Variants in GSTCD observed in about 807,000 individuals in gnomAD.
GSTCD encodes glutathione S-transferase C-terminal domain-containing protein.
Under a neutral mutation model 68.3 loss-of-function variants are expected in GSTCD, and 44 were observed. The observed-to-expected ratio is 0.64, with a 90% CI of 0.51 to 0.83. The LOEUF is 0.83. Ranked by LOEUF, GSTCD falls within the 40% of genes least tolerant of loss-of-function variation. The pLI, the probability that GSTCD is intolerant of heterozygous loss-of-function variation, is 0.00. For synonymous variants in GSTCD, 273 were observed against 255.2 expected, an observed-to-expected ratio of 1.07 and a Z score of -0.67; for missense variants, 739 against 735.9, an observed-to-expected ratio of 1.00 and a Z score of -0.05.
At chr4:105,776,338 G>T (rs1238180469) in intron 5 of GSTCD, among the ~76,000 whole-genome samples, 1 of 152,096 alleles carries the variant, frequency 6.6e-6, no homozygotes, top group Non-Finnish European at 1.5e-5. Flanking sequence ...CCATTCCAGG[G>T]TAGTGAATGG....
intron 5 of GSTCD, among the ~76,000 whole-genome samples, chr4:105,777,761 T>C (rs1280702293): frequency 6.6e-6 from 1 of 152,192 alleles, no homozygotes; most frequent in Non-Finnish European, 1.5e-5. Context: ...GACTTCTGTA[T>C]AGGGTAGCAG....
At chr4:105,744,744 C>T (rs1280183872) in intron 5 of GSTCD, among the ~76,000 whole-genome samples, 1 of 152,188 alleles carries the variant, frequency 6.6e-6, no homozygotes, top group Non-Finnish European at 1.5e-5. Context: ...GCCCTAGAGT[C>T]AGCTGTTTCT....
At position 105,717,900 on chromosome 4, in the gene GSTCD, G is replaced by T. The variant is rs760887131; in HGVS notation, c.287G>T (p.Arg96Leu). The T allele has an allele frequency of 6.2e-7, 1 of 1,613,958 alleles. No homozygotes were observed. Among genetic ancestry groups the T allele is most frequent in the Non-Finnish European group, 8.5e-7 (1 of 1,180,010 alleles). The part of the protein sequence containing the change: ...QNCCLPAVVE[R>L]SDNFCRAGLA... Reference sequence around the variant, plus strand: ...TGCTGTTTGCCTGCAGTAGTAGAACGATCAGACAATTTTTGTAGAGCAGGA... The same window carrying T: ...TGCTGTTTGCCTGCAGTAGTAGAACTATCAGACAATTTTTGTAGAGCAGGA... Residue 96 changes from arginine (R) to leucine (L), a missense_variant, in exon 2 of 12, where the codon CGA becomes CTA. Physicochemically the swap from Arg to Leu is moderately radical, Grantham distance 102. Transcript: ENST00000515279.
At chr4:105,820,874 A>G (rs1326778983) in intron 5 of GSTCD, among the ~76,000 whole-genome samples, 1 of 49,350 alleles carries the variant, frequency 2.0e-5, no homozygotes, top group Non-Finnish European at 5.3e-5. Context: ...GTAATTCTAA[A>G]TTTCTAATAA....
At chr4:105,832,356 G>A (rs1216747157) in intron 8 of GSTCD, among the ~76,000 whole-genome samples, 1 of 151,660 alleles carries the variant, frequency 6.6e-6, no homozygotes, top group African/African-American at 2.4e-5. Context: ...AAACCTTTTC[G>A]ACCAAAAACC....
intron 10 of GSTCD, among the ~76,000 whole-genome samples, chr4:105,838,680 A>G (rs377469817): frequency 2.6e-5 from 4 of 152,262 alleles, no homozygotes; most frequent in African/African-American, 9.6e-5. Flanking sequence ...TAGTCAGAAC[A>G]TACATAGTTT....
intron 8 of GSTCD, among the ~76,000 whole-genome samples, chr4:105,833,121 T>C (rs1250789657): frequency 6.6e-6 from 1 of 152,182 alleles, no homozygotes; most frequent in Non-Finnish European, 1.5e-5. Flanking sequence ...GATAGAGTAT[T>C]GTTTGTATTG....
At chr4:105,798,437 C>T (rs1040562383) in intron 5 of GSTCD, among the ~76,000 whole-genome samples, 1 of 151,694 alleles carries the variant, frequency 6.6e-6, no homozygotes, top group African/African-American at 2.4e-5. Context: ...TTTCAAATTA[C>T]TTTGCCAAGA....
intron 5 of GSTCD, among the ~76,000 whole-genome samples, chr4:105,734,999 T>C (rs1733406765): frequency 6.6e-6 from 1 of 152,178 alleles, no homozygotes; most frequent in Non-Finnish European, 1.5e-5. Context: ...ACAGCGAATA[T>C]TGTTGAACAG....
At chr4:105,830,718 A>C (rs1723857585) in intron 8 of GSTCD, among the ~76,000 whole-genome samples, 1 of 152,162 alleles carries the variant, frequency 6.6e-6, no homozygotes, top group Non-Finnish European at 1.5e-5. Context: ...GTTTTCAAAC[A>C]GTGGAAATTT....
chr4:105,791,470 G>T (rs1278977038), intron 5 of GSTCD, among the ~76,000 whole-genome samples: 1 of 151,618 alleles, frequency 6.6e-6, no homozygotes, highest in Non-Finnish European at 1.5e-5. Flanking sequence ...AGTAAAACAC[G>T]TTTGTTTGTT....
chr4:105,785,032 G>A (rs955513881), intron 5 of GSTCD, among the ~76,000 whole-genome samples: 7 of 152,072 alleles, frequency 4.6e-5, no homozygotes, highest in Non-Finnish European at 1.5e-5. Flanking sequence ...CTTCTCAGTG[G>A]ACACAACTAG....
intron 8 of GSTCD, among the ~76,000 whole-genome samples, chr4:105,829,007 A>G (rs1723785172): frequency 6.6e-6 from 1 of 152,050 alleles, no homozygotes; most frequent in Non-Finnish European, 1.5e-5. Flanking sequence ...CCATACCAAG[A>G]ATAAGAACTA....
At chr4:105,828,365 T>C (rs1466521562) in intron 8 of GSTCD, among the ~76,000 whole-genome samples, 1 of 152,220 alleles carries the variant, frequency 6.6e-6, no homozygotes, top group Non-Finnish European at 1.5e-5. Context: ...GTAACATTTT[T>C]GATGAGTAAT....
intron 8 of GSTCD, among the ~76,000 whole-genome samples, chr4:105,830,387 T>A (rs1423628439): frequency 6.6e-6 from 1 of 152,186 alleles, no homozygotes; most frequent in East Asian, 1.9e-4. Flanking sequence ...TATACCTAGC[T>A]AATCCATCAG....
At chr4:105,785,073 T>C (rs1445287326) in intron 5 of GSTCD, among the ~76,000 whole-genome samples, 2 of 152,208 alleles carry the variant, frequency 1.3e-5, no homozygotes, top group African/African-American at 2.4e-5. Flanking sequence ...TGTATATGTT[T>C]GTGTGTAATC....
chr4:105,771,236 T>A (rs929061237), intron 5 of GSTCD, among the ~76,000 whole-genome samples: 1 of 152,086 alleles, frequency 6.6e-6, no homozygotes, highest in Non-Finnish European at 1.5e-5. Context: ...TTCTTGCAAA[T>A]TTGTTTAAGT....
At chr4:105,719,959 A>G (rs1732809856) in intron 3 of GSTCD, among the ~76,000 whole-genome samples, 1 of 152,172 alleles carries the variant, frequency 6.6e-6, no homozygotes, top group Non-Finnish European at 1.5e-5. Context: ...AAAAAAACTA[A>G]AAATCTTGTC....
intron 5 of GSTCD, among the ~76,000 whole-genome samples, chr4:105,750,881 A>G (rs975257391): frequency 3.9e-5 from 6 of 152,234 alleles, no homozygotes; most frequent in Non-Finnish European, 2.9e-5. Flanking sequence ...TGAAAAAAAT[A>G]GTCTGAAAAG....
Sources: allele counts gnomAD v4.1 joint callset (sites outside exome capture counted in the v4.1 genomes callset), GRCh38; gene constraint gnomAD v4.1.1; transcripts MANE v1.5; gene names NCBI Gene and HGNC (gene_info 2026-07-23, HGNC 2026-07-21).